CAST: variants seen among roughly 807,000 people sequenced by gnomAD.
CAST encodes the protein MIR583 host.
In CAST, 76 loss-of-function variants were observed where a neutral mutation model predicts 119.6. The ratio of observed to expected loss-of-function variants is 0.64; its 90% CI spans 0.53 to 0.77. CAST has a LOEUF of 0.77. CAST is among the 30% of genes least tolerant of loss of function. CAST has a pLI of 0.00. For synonymous variants in CAST, 319 were observed against 331.6 expected, an observed-to-expected ratio of 0.96 and a Z score of 0.41; for missense variants, 953 against 946.5, an observed-to-expected ratio of 1.01 and a Z score of -0.09.
At chr5:96,164,074 A>G in the CAST span, among the ~76,000 whole-genome samples, 3 of 152,340 alleles carry the variant, frequency 2.0e-5, no homozygotes, top group Non-Finnish European at 2.9e-5. Flanking sequence ...CTTCAATAGT[A>G]AGCACTTAAT....
At chr5:96,283,055 G>A in the CAST span, among the ~76,000 whole-genome samples, 65 of 148,978 alleles carry the variant, frequency 4.4e-4, no homozygotes, top group Middle Eastern at 3.4e-3. Context: ...GCGTGAACCC[G>A]GGAGGCGGAG....
At chr5:96,002,543 G>C in the CAST span, among the ~76,000 whole-genome samples, 1 of 152,248 alleles carries the variant, frequency 6.6e-6, no homozygotes, top group South Asian at 2.1e-4. Context: ...GGTCCAGCTT[G>C]GGTGTAAAAC....
the CAST span, among the ~76,000 whole-genome samples, chr5:96,108,636 A>T: frequency 6.6e-6 from 1 of 152,220 alleles, no homozygotes; most frequent in Non-Finnish European, 1.5e-5. Context: ...AAGCTGTCAG[A>T]CAGGGACATT....
At chr5:96,330,387 T>C in the CAST span, among the ~76,000 whole-genome samples, 2 of 152,152 alleles carry the variant, frequency 1.3e-5, no homozygotes, top group African/African-American at 2.4e-5. Context: ...CAGTGCCCAC[T>C]CACCTCTCAC....
the CAST span, among the ~76,000 whole-genome samples, chr5:96,415,438 C>A: frequency 6.6e-6 from 1 of 152,228 alleles, no homozygotes; most frequent in Non-Finnish European, 1.5e-5. Context: ...CCTACCACTT[C>A]TTAGCCCCTT....
At chr5:96,381,479 C>A in the CAST span, among the ~76,000 whole-genome samples, 1 of 152,130 alleles carries the variant, frequency 6.6e-6, no homozygotes, top group African/African-American at 2.4e-5. Flanking sequence ...TATCATGAGG[C>A]TCTCCCAAGC....
At chr5:96,727,459 C>CT in intron 5 of CAST, 30 bp from the exon 6 acceptor site, 4 of 1,321,806 alleles carry the variant, frequency 3.0e-6, no homozygotes, top group South Asian at 1.4e-5. Flanking sequence ...TTCTTCCTTC[C>CT]TTTTTTTCTT....
the CAST span, among the ~76,000 whole-genome samples, chr5:95,991,073 A>G: frequency 1.3e-5 from 2 of 152,188 alleles, no homozygotes; most frequent in African/African-American, 4.8e-5. Flanking sequence ...TTGCTTTCCA[A>G]AAAAGTTAAC....
intron 1 of CAST, among the ~76,000 whole-genome samples, chr5:96,636,781 C>T (rs868553442): frequency 6.6e-6 from 1 of 152,088 alleles, no homozygotes; most frequent in Non-Finnish European, 1.5e-5. Context: ...TCAGATGTGG[C>T]TTCTGGGATT....
the CAST span, among the ~76,000 whole-genome samples, chr5:96,274,901 C>G: frequency 6.6e-6 from 1 of 152,166 alleles, no homozygotes; most frequent in Non-Finnish European, 1.5e-5. Flanking sequence ...AAAAGATCAC[C>G]TGATAAACCT....
At chr5:96,387,319 C>A in the CAST span, among the ~76,000 whole-genome samples, 3 of 152,144 alleles carry the variant, frequency 2.0e-5, no homozygotes, top group Non-Finnish European at 2.9e-5. Flanking sequence ...GTAAAAATAA[C>A]AACAGCAGGT....
the CAST span, among the ~76,000 whole-genome samples, chr5:96,063,287 AC>A: frequency 2.0e-5 from 3 of 151,966 alleles, no homozygotes; most frequent in Non-Finnish European, 4.4e-5. Flanking sequence ...CATGACCCCC[AC>A]CTGAGGGCAG....
At chr5:96,561,798 T>TGTTG (rs1746372853) in intron 1 of CAST, among the ~76,000 whole-genome samples, 2 of 86,628 alleles carry the variant, frequency 2.3e-5, no homozygotes, top group African/African-American at 8.0e-5. Context: ...TTTTTTTTGT[T>TGTTG]TTTTTTTTTT....
At chr5:96,318,261 A>G in the CAST span, among the ~76,000 whole-genome samples, 1 of 152,198 alleles carries the variant, frequency 6.6e-6, no homozygotes, top group East Asian at 1.9e-4. Context: ...GCAAGTTGCT[A>G]TGTATTTGAA....
intron 1 of CAST, among the ~76,000 whole-genome samples, chr5:96,572,313 A>G (rs1580829927): frequency 6.6e-6 from 1 of 151,294 alleles, no homozygotes; most frequent in African/African-American, 2.4e-5. Context: ...CAATTCTCCT[A>G]CTTCAGCCTC....
At chr5:96,559,681 A>G (rs1359848054) in intron 1 of CAST, among the ~76,000 whole-genome samples, 1 of 152,186 alleles carries the variant, frequency 6.6e-6, no homozygotes, top group African/African-American at 2.4e-5. Flanking sequence ...AGAACTACAA[A>G]CCACTGCTCA....
intron 1 of CAST, among the ~76,000 whole-genome samples, chr5:96,607,180 C>G (rs1052158570): frequency 1.3e-5 from 2 of 151,986 alleles, no homozygotes; most frequent in Non-Finnish European, 2.9e-5. Context: ...CCCAGCTACT[C>G]GAGAGGCTGA....
chr5:96,214,258 C>A, the CAST span, among the ~76,000 whole-genome samples: 1,070 of 152,200 alleles, frequency 7.0e-3, 11 homozygotes, highest in African/African-American at 0.025. Flanking sequence ...TTTGAAGAAA[C>A]ATGATGGCAA....
the CAST span, among the ~76,000 whole-genome samples, chr5:96,480,524 T>C: frequency 1.3e-5 from 2 of 152,052 alleles, no homozygotes; most frequent in African/African-American, 2.4e-5. Context: ...AAACTGGAGA[T>C]AGAGAAAGGA....
Sources: gnomAD v4.1 joint callset for allele counts (sites outside exome capture counted in the v4.1 genomes callset) on GRCh38, gnomAD v4.1.1 for gene constraint, MANE v1.5 for transcripts, NCBI Gene and HGNC (gene_info 2026-07-23, HGNC 2026-07-21) for gene names.